The following EFCAB5 variants were observed in gnomAD, a reference collection of about 807,000 sequenced individuals.
EFCAB5 encodes EF-hand calcium binding domain 5.
Under a neutral mutation model 167.9 loss-of-function variants are expected in EFCAB5, and 131 were observed. The observed-to-expected ratio is 0.78, with a 90% confidence interval of 0.68 to 0.90. The LOEUF is 0.90. Ranked by LOEUF, EFCAB5 falls within the 40% of genes least tolerant of loss-of-function variation. The pLI, the probability that EFCAB5 is intolerant of heterozygous loss-of-function variation, is 0.00. For synonymous variants in EFCAB5, 574 were observed against 602.8 expected, an observed-to-expected ratio of 0.95 and a Z score of 0.70; for missense variants, 1,663 against 1,745.2, an observed-to-expected ratio of 0.95 and a Z score of 0.84.
Position 29,960,659 on chromosome 17 carries a change from G to T in EFCAB5, c.191-8132G>T, listed in dbSNP as rs61046865. 6.6e-5 allele frequency among the ~76,000 whole-genome samples: 10 copies of T among 151,862 alleles called. 1 individual carries two copies. The highest frequency in any genetic ancestry group is 5.9e-4 in the Admixed American group (9 of 15,244). On this transcript the variant is annotated intron_variant, in intron 3 of 22. Coordinates refer to ENST00000394835, the MANE Select transcript of EFCAB5 (RefSeq NM_198529.4). ...TCATTGTACATCTATACCTCATTTT[G>T]TTTACCCATTCATCTGTGAATGGAT...
intron 22 of EFCAB5, among the ~76,000 whole-genome samples, chr17:30,103,391 C>T (rs2071405664): frequency 6.6e-6 from 1 of 151,788 alleles, no homozygotes; most frequent in Non-Finnish European, 1.5e-5. Context: ...ATTTAAAAAG[C>T]CACTACATGT....
At chr17:30,013,671 C>T (rs1381605505) in intron 7 of EFCAB5, among the ~76,000 whole-genome samples, 12 of 152,008 alleles carry the variant, frequency 7.9e-5, no homozygotes, top group South Asian at 4.1e-4. Context: ...TTTTTTATTG[C>T]GTCTATTTGA....
intron 14 of EFCAB5, among the ~76,000 whole-genome samples, chr17:30,076,180 GT>G (rs2070864706): frequency 6.6e-6 from 1 of 152,168 alleles, no homozygotes; most frequent in Admixed American, 6.5e-5. Context: ...CTCTACCTTT[GT>G]GGTAACCAGG....
chr17:29,991,646 T>A (rs1480765151), intron 4 of EFCAB5, among the ~76,000 whole-genome samples: 1 of 152,194 alleles, frequency 6.6e-6, no homozygotes, highest in Non-Finnish European at 1.5e-5. Flanking sequence ...ACCCACAACC[T>A]TCAGCATGAG....
chr17:30,055,622 A>T (rs2070238699), intron 10 of EFCAB5, among the ~76,000 whole-genome samples: 1 of 152,198 alleles, frequency 6.6e-6, no homozygotes, highest in Non-Finnish European at 1.5e-5. Flanking sequence ...GTATAGTAAT[A>T]CCTAGCTGTG....
chr17:30,027,605 T>C (rs553535787), intron 7 of EFCAB5, among the ~76,000 whole-genome samples: 1 of 152,248 alleles, frequency 6.6e-6, no homozygotes, highest in South Asian at 2.1e-4. Context: ...ACAGGGATTA[T>C]ACCATCGGCA....
rs192686217 is a variant in EFCAB5 at position 30,032,590 on chromosome 17, T to C, written c.1045-1640T>C. ...GGGAGTCTTAGCTGAGAGAATTCTGTACAAACAGACCTTGTTAAAATAATT... is the reference window on the plus strand; with the variant it reads ...GGGAGTCTTAGCTGAGAGAATTCTGCACAAACAGACCTTGTTAAAATAATT... On this transcript the variant is annotated intron_variant, in intron 7 of 22. Coordinates refer to ENST00000394835, the MANE Select transcript of EFCAB5 (RefSeq NM_198529.4). Among the ~76,000 whole-genome samples the C allele has an allele frequency of 8.9e-4, 135 of 152,338 alleles. 1 individual carries two copies. The highest frequency in any genetic ancestry group is 2.9e-3 in the African/African-American group (121 of 41,574).
rs189817286 is a variant in EFCAB5 at position 30,011,883 on chromosome 17, A to G, written c.1044+11907A>G. 1.4e-3 allele frequency among the ~76,000 whole-genome samples: 215 copies of G among 152,344 alleles called. 1 individual carries two copies. Among genetic ancestry groups the G allele is most frequent in the Non-Finnish European group, 1.4e-3 (97 of 68,036 alleles). ...AATATAAAACAAGAATAGTTATACC[A>G]TATATAGATCTTAGATATGATTATA... On this transcript the variant is annotated intron_variant, in intron 7 of 22. Coordinates refer to ENST00000394835, the MANE Select transcript of EFCAB5 (RefSeq NM_198529.4).
intron 1 of EFCAB5, 125 bp from the exon 2 acceptor site, chr17:29,942,115 C>T (rs965886724): frequency 2.7e-5 from 22 of 816,998 alleles, no homozygotes; most frequent in Middle Eastern, 2.7e-4. Flanking sequence ...AATTTTATTT[C>T]ACATGATATT....
intron 7 of EFCAB5, among the ~76,000 whole-genome samples, chr17:30,027,494 G>A (rs1317553376): frequency 6.6e-6 from 1 of 151,904 alleles, no homozygotes; most frequent in Non-Finnish European, 1.5e-5. Context: ...TAAAGGCTGT[G>A]ACGTTTCTTT....
At chr17:30,011,664 G>T (rs1049353702) in intron 7 of EFCAB5, among the ~76,000 whole-genome samples, 6 of 152,124 alleles carry the variant, frequency 3.9e-5, no homozygotes, top group African/African-American at 1.4e-4. Flanking sequence ...TTTGTATCCT[G>T]AGACTATGCT....
At chr17:30,081,198 C>T (rs1043951889) in intron 17 of EFCAB5, among the ~76,000 whole-genome samples, 2 of 152,200 alleles carry the variant, frequency 1.3e-5, no homozygotes, top group Non-Finnish European at 2.9e-5. Flanking sequence ...CATGCCTCAG[C>T]CTCATGTGTC....
At chr17:29,996,520 C>G (rs1019065081) in intron 6 of EFCAB5, among the ~76,000 whole-genome samples, 160 bp downstream of exon 6, 1 of 152,144 alleles carries the variant, frequency 6.6e-6, no homozygotes, top group African/African-American at 2.4e-5. Flanking sequence ...TGTATACAAG[C>G]AGAAAAGCAA....
intron 14 of EFCAB5, chr17:30,069,645 G>T (rs1389751136): frequency 1.9e-6 from 3 of 1,592,314 alleles, no homozygotes; most frequent in South Asian, 2.2e-5. Context: ...CCTGGGCCAC[G>T]GGGGCCCAGC....
intron 22 of EFCAB5, among the ~76,000 whole-genome samples, chr17:30,096,669 ATATATATATTTT>A (rs768514801): frequency 1.7e-5 from 1 of 59,814 alleles, no homozygotes; most frequent in Non-Finnish European, 3.0e-5. Context: ...ATATATATAT[ATATATATATTTT>A]TTTTTTTTTT....
intron 14 of EFCAB5, chr17:30,059,914 C>T (rs933845834): frequency 1.8e-5 from 5 of 280,444 alleles, no homozygotes; most frequent in Non-Finnish European, 2.5e-5. Flanking sequence ...GCTCTAATTC[C>T]TGGGATCCAG....
At chr17:29,954,563 T>G (rs1035385077) in intron 3 of EFCAB5, among the ~76,000 whole-genome samples, 1 of 152,212 alleles carries the variant, frequency 6.6e-6, no homozygotes, top group Admixed American at 6.5e-5. Flanking sequence ...TGTATGAAAC[T>G]CCTGGATGTC....
At chr17:29,943,696 G>A in intron 3 of EFCAB5, 47 bp downstream of exon 3, 4 of 1,504,862 alleles carry the variant, frequency 2.7e-6, no homozygotes, top group Non-Finnish European at 3.6e-6. Flanking sequence ...AAAACTGGCT[G>A]GGCGTGGTGG....
chr17:30,079,022 G>A (rs1308980632), intron 15 of EFCAB5, among the ~76,000 whole-genome samples: 1 of 152,210 alleles, frequency 6.6e-6, no homozygotes, highest in East Asian at 1.9e-4. Context: ...AGGGGCTACT[G>A]CCTACAGCCT....
Sources: allele counts gnomAD v4.1 joint callset (sites outside exome capture counted in the v4.1 genomes callset), GRCh38; gene constraint gnomAD v4.1.1; transcripts MANE v1.5; gene names NCBI Gene and HGNC (gene_info 2026-07-23, HGNC 2026-07-21).